Variants in ALLC observed in about 807,000 individuals in gnomAD.
The protein encoded by ALLC is probable inactive allantoicase.
Under a neutral mutation model 45.0 loss-of-function variants are expected in ALLC, and 40 were observed. The observed-to-expected ratio is 0.89, with a 90% CI of 0.69 to 1.16. The LOEUF is 1.16. Among genes scored for constraint, ALLC ranks in the 50% most tolerant of loss-of-function variants. The pLI is 0.00. For missense variants in ALLC, 488 were observed against 493.1 expected, an observed-to-expected ratio of 0.99 and a Z score of 0.10; for synonymous variants, 176 against 178.1, an observed-to-expected ratio of 0.99 and a Z score of 0.09.
intron 1 of ALLC, among the ~76,000 whole-genome samples, chr2:3,669,347 T>G (rs1428003777): frequency 4.0e-5 from 6 of 151,800 alleles, no homozygotes; most frequent in Admixed American, 3.9e-4. Context: ...GGTGGCAGGT[T>G]CTTGTAATCT....
intron 7 of ALLC, among the ~76,000 whole-genome samples, chr2:3,692,279 ATTTTAGCTTC>A (rs1667543089): frequency 6.6e-6 from 1 of 152,146 alleles, no homozygotes; most frequent in Non-Finnish European, 1.5e-5. Context: ...AGTGTCCAAT[ATTTTAGCTTC>A]CCTGGGCCAC....
At chr2:3,646,261 C>A in the ALLC span, among the ~76,000 whole-genome samples, 5 of 152,192 alleles carry the variant, frequency 3.3e-5, no homozygotes, top group Non-Finnish European at 7.3e-5. Flanking sequence ...TCTTCCTGAA[C>A]CCCTGAAGGG....
Position 3,695,876 on chromosome 2 carries a change from AGAT to A in ALLC, c.667+8_667+10del. On this transcript the variant is annotated splice_donor_5th_base_variant and intron_variant, in intron 8 of 11. Transcript: ENST00000252505. ...GGGCACCCAAACAATATAATAGGTA[AGAT>A]GATATTCTTGGAGCTGGCTTATTTA... is the stretch of plus-strand genomic sequence containing the variant. The A allele has an allele frequency of 6.2e-7, 1 of 1,600,546 alleles. No homozygotes were observed. Among genetic ancestry groups the A allele is most frequent in the South Asian group, 1.1e-5 (1 of 88,816 alleles).
intron 1 of ALLC, among the ~76,000 whole-genome samples, chr2:3,668,319 A>G (rs1304635998): frequency 6.6e-6 from 1 of 152,118 alleles, no homozygotes; most frequent in Non-Finnish European, 1.5e-5. Flanking sequence ...GAGGCAGGAC[A>G]GAAGGGAAAG....
At chr2:3,655,653 TCTCA>T, upstream of ALLC, among the ~76,000 whole-genome samples, 1 of 152,176 alleles carries the variant, frequency 6.6e-6, no homozygotes, top group South Asian at 2.1e-4. Flanking sequence ...AGAGATGGGG[TCTCA>T]CTGTGTTGCC....
intron 7 of ALLC, among the ~76,000 whole-genome samples, chr2:3,687,631 A>G (rs142979324): frequency 6.6e-6 from 1 of 150,992 alleles, no homozygotes; most frequent in East Asian, 2.0e-4. Context: ...TTATTGGTTT[A>G]TTAAGGTTTT....
intron 1 of ALLC, among the ~76,000 whole-genome samples, chr2:3,665,880 G>A (rs1290917198): frequency 1.3e-5 from 2 of 152,270 alleles, no homozygotes; most frequent in East Asian, 3.9e-4. Context: ...TTGAATGTGA[G>A]CTTCAGTGGG....
intron 3 of ALLC, among the ~76,000 whole-genome samples, chr2:3,677,449 C>G (rs768539406): frequency 6.6e-6 from 1 of 152,182 alleles, no homozygotes; most frequent in Non-Finnish European, 1.5e-5. Context: ...TAATAACATT[C>G]AAAATACCAT....
chr2:3,682,844 C>A, intron 6 of ALLC, 98 bp from the exon 7 acceptor site: 1 of 1,330,796 alleles, frequency 7.5e-7, no homozygotes, highest in Non-Finnish European at 1.0e-6. Flanking sequence ...AATTTTTATT[C>A]CAAAGTATCT....
At chr2:3,652,007 G>A in the ALLC span, among the ~76,000 whole-genome samples, 1 of 152,314 alleles carries the variant, frequency 6.6e-6, no homozygotes, top group African/African-American at 2.4e-5. Flanking sequence ...TCGGAACCAA[G>A]AACCACACGT....
the ALLC span, among the ~76,000 whole-genome samples, chr2:3,646,164 T>C: frequency 6.6e-6 from 1 of 152,294 alleles, no homozygotes; most frequent in African/African-American, 2.4e-5. Context: ...CAGGCATGTG[T>C]ACTACCTGCT....
intron 7 of ALLC, among the ~76,000 whole-genome samples, chr2:3,694,107 AC>A (rs1251590736): frequency 6.6e-6 from 1 of 152,230 alleles, no homozygotes; most frequent in African/African-American, 2.4e-5. Flanking sequence ...CAAAATAGCA[AC>A]TTTATATGTC....
upstream of ALLC, among the ~76,000 whole-genome samples, chr2:3,653,627 G>T (rs1026910240): frequency 6.6e-6 from 1 of 152,072 alleles, no homozygotes; most frequent in African/African-American, 2.4e-5. The surrounding 1 kb of genome is among the most constrained non-coding windows in gnomAD (Gnocchi z 4.1). Context: ...ACAGTTTCTG[G>T]CATTGCTCTT....
At chr2:3,662,845 G>A (rs1244369558) in intron 1 of ALLC, among the ~76,000 whole-genome samples, 3 of 152,178 alleles carry the variant, frequency 2.0e-5, no homozygotes, top group African/African-American at 4.8e-5. Flanking sequence ...CTTATGTAAC[G>A]TCTGAAGCTG....
chr2:3,673,864 A>G lies in ALLC; in HGVS notation c.34-211A>G, dbSNP rs544349083. Among the ~76,000 whole-genome samples the G allele has an allele frequency of 1.0e-3, 155 of 152,348 alleles. 1 individual carries two copies. Among genetic ancestry groups the G allele is most frequent in the African/African-American group, 3.5e-3 (144 of 41,578 alleles). Reference sequence around the variant, plus strand: ...CTCCAGATGGTAAAGGAGAATCGGAAAAAAGGGTGGGAAGAGAAGAAGAAG... The same window carrying G: ...CTCCAGATGGTAAAGGAGAATCGGAGAAAAGGGTGGGAAGAGAAGAAGAAG... On this transcript the variant is annotated intron_variant, in intron 2 of 11. Coordinates refer to ENST00000252505, the MANE Select transcript of ALLC (RefSeq NM_018436.4).
chr2:3,687,451 T>G (rs957147501), intron 7 of ALLC, among the ~76,000 whole-genome samples: 2 of 150,994 alleles, frequency 1.3e-5, no homozygotes, highest in African/African-American at 4.8e-5. Flanking sequence ...ATACTGGCCT[T>G]GTAGAATGAG....
rs1436541475 is a variant in ALLC, at chr2:3,697,608, A to ACTCT, written c.850+153_850+156dup. The stretch of plus-strand genomic sequence containing the variant: ...TGAGCATGCTACTTTAACCCTTAGA[A>ACTCT]CTCTGTCTGTCTGTCTATCTATCTA... On this transcript the variant is annotated intron_variant, in intron 10 of 11. Transcript: ENST00000252505. Among the ~76,000 whole-genome samples, 240 of 129,854 alleles carry ACTCT rather than the reference A, an allele frequency of 1.8e-3. 1 individual carries two copies. The highest frequency in any genetic ancestry group is 8.4e-3 in the African/African-American group (227 of 27,116). 85.2% of individuals were successfully genotyped at this position (129,854 alleles called of 152,430 possible).
intron 1 of ALLC, among the ~76,000 whole-genome samples, chr2:3,665,143 C>T (rs1666672312): frequency 6.6e-6 from 1 of 152,102 alleles, no homozygotes; most frequent in African/African-American, 2.4e-5. Context: ...CGAGACGGAT[C>T]CTGGAAAGGG....
the ALLC span, among the ~76,000 whole-genome samples, chr2:3,652,135 G>A: frequency 6.6e-6 from 1 of 152,248 alleles, no homozygotes; most frequent in African/African-American, 2.4e-5. Context: ...GCCTCGGTGC[G>A]TGTGGAAGGG....
Sources: gnomAD v4.1 joint callset for allele counts (sites outside exome capture counted in the v4.1 genomes callset) on GRCh38, gnomAD v4.1.1 for gene constraint, Gnocchi (gnomAD v3.1) non-coding constraint, MANE v1.5 for transcripts, NCBI Gene and HGNC (gene_info 2026-07-23, HGNC 2026-07-21) for gene names.